The following AOAH variants were observed in gnomAD, a reference collection of about 807,000 sequenced individuals.
AOAH encodes the protein acyloxyacyl hydrolase.
A neutral mutation model predicts 92.2 loss-of-function variants in AOAH; 64 were observed. That is an observed-to-expected ratio of 0.69 (90% CI 0.57 to 0.86). AOAH has a LOEUF of 0.86. Among genes scored for constraint, AOAH ranks in the 40% least tolerant of loss-of-function variants. The pLI is 0.00. For synonymous variants in AOAH, 263 were observed against 254.5 expected (o/e 1.03, Z -0.32); for missense variants, 656 against 694.6 (o/e 0.94, Z 0.62).
At chr7:36,551,724 C>T (rs1042961889) in intron 13 of AOAH, among the ~76,000 whole-genome samples, 5 of 152,158 alleles carry the variant, frequency 3.3e-5, no homozygotes, top group Non-Finnish European at 7.3e-5. Flanking sequence ...TGGGTTGTTT[C>T]CACCTTTTGG....
chr7:36,566,705 T>G (rs927854728), intron 13 of AOAH, among the ~76,000 whole-genome samples: 1 of 152,128 alleles, frequency 6.6e-6, no homozygotes, highest in African/African-American at 2.4e-5. Flanking sequence ...GACTCAAGCA[T>G]GCACACTGAG....
At chr7:36,722,292 C>T (rs1279210217) in intron 1 of AOAH, among the ~76,000 whole-genome samples, 1 of 152,098 alleles carries the variant, frequency 6.6e-6, no homozygotes, top group East Asian at 1.9e-4. Context: ...TCCTTCTTAC[C>T]CTCTATGACC....
At chr7:36,580,071 T>C (rs532452188) in intron 12 of AOAH, among the ~76,000 whole-genome samples, 50 of 152,210 alleles carry the variant, frequency 3.3e-4, no homozygotes, top group Non-Finnish European at 6.3e-4. Flanking sequence ...ATGATGGCAG[T>C]CTTGGTGTGT....
chr7:36,636,367 T>C (rs1793526798), intron 5 of AOAH, among the ~76,000 whole-genome samples: 1 of 151,518 alleles, frequency 6.6e-6, no homozygotes, highest in South Asian at 2.1e-4. Flanking sequence ...AAGTAAAAAA[T>C]TGTAAAATCC....
chr7:36,705,333 T>C (rs1798326806), intron 1 of AOAH, among the ~76,000 whole-genome samples: 1 of 152,176 alleles, frequency 6.6e-6, no homozygotes, highest in Non-Finnish European at 1.5e-5. Flanking sequence ...AGCATTCCAA[T>C]ACATCAATAA....
chr7:36,715,975 G>A (rs1303304943), intron 1 of AOAH, among the ~76,000 whole-genome samples: 1 of 152,080 alleles, frequency 6.6e-6, no homozygotes, highest in Non-Finnish European at 1.5e-5. Flanking sequence ...ATTGACAAAT[G>A]GGATCTAATT....
chr7:36,638,054 G>A (rs1255391257), intron 4 of AOAH, 144 bp from the exon 5 acceptor site: 3 of 702,346 alleles, frequency 4.3e-6, no homozygotes, highest in Non-Finnish European at 7.1e-6. Flanking sequence ...TTCACAAGAA[G>A]GCAATTTCAC....
chr7:36,624,044 C>T (rs1792468541), intron 6 of AOAH, among the ~76,000 whole-genome samples: 1 of 152,222 alleles, frequency 6.6e-6, no homozygotes, highest in Non-Finnish European at 1.5e-5. Context: ...CATCTTCATC[C>T]TCTTCATTTA....
intron 1 of AOAH, among the ~76,000 whole-genome samples, chr7:36,712,791 C>T (rs191648542): frequency 5.3e-5 from 8 of 152,256 alleles, no homozygotes; most frequent in East Asian, 1.9e-4. Flanking sequence ...TGACAGATTT[C>T]GTCACCACCA....
chr7:36,520,747 A>G (rs1352221292), intron 20 of AOAH, among the ~76,000 whole-genome samples: 1 of 152,002 alleles, frequency 6.6e-6, no homozygotes, highest in African/African-American at 2.4e-5. Context: ...GGATATACAC[A>G]AACTCTTCTA....
intron 3 of AOAH, among the ~76,000 whole-genome samples, chr7:36,672,543 T>C (rs966512454): frequency 6.6e-6 from 1 of 152,168 alleles, no homozygotes; most frequent in African/African-American, 2.4e-5. Flanking sequence ...CACCACATGT[T>C]CTCACTCATA....
At chr7:36,537,179 T>G (rs566394846) in intron 16 of AOAH, among the ~76,000 whole-genome samples, 2 of 152,078 alleles carry the variant, frequency 1.3e-5, no homozygotes, top group African/African-American at 4.8e-5. Flanking sequence ...AGGATGTGAA[T>G]AGTTACTTAT....
At chr7:36,721,857 AG>A (rs1450833772) in intron 1 of AOAH, among the ~76,000 whole-genome samples, 2 of 152,218 alleles carry the variant, frequency 1.3e-5, no homozygotes, top group East Asian at 3.8e-4. Context: ...GAAGATGGCA[AG>A]TAATGCTGTG....
intron 12 of AOAH, among the ~76,000 whole-genome samples, chr7:36,579,261 TCCAGC>T (rs561013959): frequency 3.3e-5 from 5 of 152,024 alleles, no homozygotes; most frequent in Admixed American, 2.0e-4. Context: ...TCTTGGATTC[TCCAGC>T]CCAGCCCAGC....
At chr7:36,571,849 T>C (rs558135956) in intron 13 of AOAH, among the ~76,000 whole-genome samples, 3 of 152,324 alleles carry the variant, frequency 2.0e-5, no homozygotes, top group Non-Finnish European at 4.4e-5. Context: ...TTTATTTTTA[T>C]TTTTTTCAAA....
At chr7:36,637,777 G>T in intron 5 of AOAH, 74 bp downstream of exon 5, 1 of 1,380,058 alleles carries the variant, frequency 7.2e-7, no homozygotes, top group Non-Finnish European at 1.0e-6. Context: ...CTTGCCTTTG[G>T]GATGTGAAAG....
chr7:36,632,315 C>T (rs1793179375), intron 5 of AOAH, among the ~76,000 whole-genome samples: 1 of 152,154 alleles, frequency 6.6e-6, no homozygotes, highest in Admixed American at 6.5e-5. Flanking sequence ...GCTCCTCAGC[C>T]CGAAGCCTTC....
chr7:36,681,003 G>A (rs931381819), intron 2 of AOAH, among the ~76,000 whole-genome samples: 1 of 140,272 alleles, frequency 7.1e-6, no homozygotes, highest in Non-Finnish European at 1.5e-5. Flanking sequence ...TATTTTGCTA[G>A]TATATTAAGA....
At chr7:36,552,366 G>A (rs559682690) in intron 13 of AOAH, among the ~76,000 whole-genome samples, 3 of 152,212 alleles carry the variant, frequency 2.0e-5, no homozygotes, top group Admixed American at 2.0e-4. Context: ...AGTGTTCTGT[G>A]GTGTATGTGT....
Sources: gnomAD v4.1 joint callset for allele counts (sites outside exome capture counted in the v4.1 genomes callset) on GRCh38, gnomAD v4.1.1 for gene constraint, MANE v1.5 for transcripts, NCBI Gene and HGNC (gene_info 2026-07-23, HGNC 2026-07-21) for gene names.